THSD7B: variants seen among roughly 807,000 people sequenced by gnomAD.
THSD7B encodes thrombospondin type-1 domain-containing protein 7B.
THSD7B carries 138 observed loss-of-function variants against 213.6 expected under a neutral mutation model. The observed-to-expected ratio is 0.65, with a 90% CI of 0.56 to 0.74. THSD7B has a LOEUF of 0.74. THSD7B is among the 30% of genes least tolerant of loss of function. The probability of loss-of-function intolerance (pLI) is 0.00; values close to 1 mark genes in which losing one functional copy is unlikely to be tolerated. For missense variants in THSD7B, 1,931 were observed against 1,991.5 expected (o/e 0.97, Z 0.58); for synonymous variants, 742 against 687.0 (o/e 1.08, Z -1.25).
At chr2:136,800,493 C>T (rs1418686878) in intron 1 of THSD7B, among the ~76,000 whole-genome samples, 1 of 151,976 alleles carries the variant, frequency 6.6e-6, no homozygotes, top group Admixed American at 6.6e-5. Context: ...CAGCTTGTGG[C>T]TTCCAAATGT....
chr2:137,185,117 G>A (rs543693637), intron 7 of THSD7B, among the ~76,000 whole-genome samples: 1 of 152,202 alleles, frequency 6.6e-6, no homozygotes, highest in Admixed American at 6.5e-5. Flanking sequence ...CCGAGAATTG[G>A]CAAACAGTTA....
intron 2 of THSD7B, among the ~76,000 whole-genome samples, chr2:137,027,704 T>G (rs2104848927): frequency 6.6e-6 from 1 of 152,258 alleles, no homozygotes; most frequent in Admixed American, 6.5e-5. Flanking sequence ...GCACAGGGAC[T>G]TTTACACCAG....
intron 16 of THSD7B, among the ~76,000 whole-genome samples, chr2:137,568,674 A>G (rs1681290105): frequency 6.6e-6 from 1 of 152,102 alleles, no homozygotes; most frequent in Admixed American, 6.5e-5. Flanking sequence ...GCACAGGAAA[A>G]ACTGCCATTT....
intron 7 of THSD7B, among the ~76,000 whole-genome samples, chr2:137,182,770 T>A (rs1311749985): frequency 6.6e-6 from 1 of 152,174 alleles, no homozygotes; most frequent in African/African-American, 2.4e-5. Context: ...CATTTGAGTG[T>A]CATCGTGTAT....
chr2:136,864,669 C>T (rs1365601694), intron 1 of THSD7B, among the ~76,000 whole-genome samples: 1 of 152,156 alleles, frequency 6.6e-6, no homozygotes, highest in Non-Finnish European at 1.5e-5. Flanking sequence ...TCTCCTGCTT[C>T]AGCCCCCCGA....
chr2:137,132,623 T>C (rs574473877), intron 5 of THSD7B, among the ~76,000 whole-genome samples: 1 of 151,692 alleles, frequency 6.6e-6, no homozygotes, highest in Non-Finnish European at 1.5e-5. Context: ...GTTTTCATTC[T>C]TGTTATCTTT....
intron 16 of THSD7B, among the ~76,000 whole-genome samples, chr2:137,567,947 A>G (rs1179175804): frequency 1.3e-5 from 2 of 152,118 alleles, no homozygotes; most frequent in African/African-American, 4.8e-5. Flanking sequence ...CATGGATTAG[A>G]GCAAATAGGA....
At chr2:137,654,908 C>T (rs1683206787) in intron 21 of THSD7B, among the ~76,000 whole-genome samples, 1 of 152,154 alleles carries the variant, frequency 6.6e-6, no homozygotes, top group Non-Finnish European at 1.5e-5. Flanking sequence ...CAATTCTAAG[C>T]TTCTGTTTCT....
intron 12 of THSD7B, among the ~76,000 whole-genome samples, chr2:137,323,154 A>G (rs1684297435): frequency 6.6e-6 from 1 of 152,214 alleles, no homozygotes; most frequent in South Asian, 2.1e-4. Flanking sequence ...CACAATTCTG[A>G]AAGAAAAACT....
intron 3 of THSD7B, among the ~76,000 whole-genome samples, chr2:137,063,295 A>C (rs149859520): frequency 6.6e-6 from 1 of 152,142 alleles, no homozygotes; most frequent in Admixed American, 6.6e-5. Flanking sequence ...TCATCAATAC[A>C]ATTGTATTAA....
chr2:136,892,639 T>G (rs942214806), intron 2 of THSD7B, among the ~76,000 whole-genome samples: 1 of 151,958 alleles, frequency 6.6e-6, no homozygotes, highest in Non-Finnish European at 1.5e-5. Context: ...TTCTCAAGAA[T>G]GTCCTCTTGA....
chr2:137,030,687 C>T (rs931816802), intron 2 of THSD7B, among the ~76,000 whole-genome samples: 4 of 152,084 alleles, frequency 2.6e-5, no homozygotes, highest in South Asian at 2.1e-4. Context: ...AAGTGAGAGC[C>T]GCATGTTCTC....
intron 15 of THSD7B, 134 bp from the exon 16 acceptor site, chr2:137,563,087 G>T (rs1681155952): frequency 3.3e-6 from 3 of 913,436 alleles, no homozygotes; most frequent in Non-Finnish European, 4.6e-6. Flanking sequence ...TTGCTTTTTT[G>T]GGAAAGTAAT....
intron 14 of THSD7B, among the ~76,000 whole-genome samples, chr2:137,425,994 C>T (rs1687046143): frequency 6.6e-6 from 1 of 151,986 alleles, no homozygotes; most frequent in East Asian, 1.9e-4. Context: ...TTGCAGGAAA[C>T]AAAATCAACA....
At chr2:136,965,907 T>G (rs1235711629) in intron 2 of THSD7B, among the ~76,000 whole-genome samples, 1 of 152,202 alleles carries the variant, frequency 6.6e-6, no homozygotes, top group Non-Finnish European at 1.5e-5. Context: ...TTAGGAATCT[T>G]TTCCACTTTC....
intron 12 of THSD7B, among the ~76,000 whole-genome samples, chr2:137,369,976 T>C (rs1207039655): frequency 7.1e-5 from 2 of 28,138 alleles, no homozygotes; most frequent in African/African-American, 9.8e-5. Context: ...TTTCACAAAA[T>C]TGGAAGAAAA....
intron 2 of THSD7B, among the ~76,000 whole-genome samples, chr2:136,959,320 C>A (rs1408195885): frequency 1.3e-5 from 2 of 152,208 alleles, no homozygotes; most frequent in East Asian, 3.9e-4. Context: ...AGCTGTCCCT[C>A]TCTTCTCTCG....
intron 1 of THSD7B, among the ~76,000 whole-genome samples, chr2:136,816,100 G>A (rs1309080541): frequency 1.3e-5 from 2 of 152,134 alleles, no homozygotes; most frequent in African/African-American, 4.8e-5. Flanking sequence ...GCCCAGGCTA[G>A]TCTCAAACTC....
At chr2:137,611,483 C>A (rs913340802) in intron 17 of THSD7B, among the ~76,000 whole-genome samples, 3 of 151,922 alleles carry the variant, frequency 2.0e-5, no homozygotes, top group Non-Finnish European at 4.4e-5. Flanking sequence ...TCTTTGCCAT[C>A]AGTAAAATGG....
Sources: allele counts gnomAD v4.1 joint callset (sites outside exome capture counted in the v4.1 genomes callset), GRCh38; gene constraint gnomAD v4.1.1; transcripts MANE v1.5; gene names NCBI Gene and HGNC (gene_info 2026-07-23, HGNC 2026-07-21).